Variants in RAD51B observed in about 807,000 individuals in gnomAD.
The protein encoded by RAD51B is RAD51 paralog B.
In RAD51B, 38 loss-of-function variants were observed where a neutral mutation model predicts 42.2. The observed-to-expected ratio is 0.90, with a 90% CI of 0.70 to 1.18. RAD51B has a LOEUF of 1.18. RAD51B is among the 50% of genes most tolerant of loss of function. The pLI is 0.00. For synonymous variants in RAD51B, 154 were observed against 145.2 expected (o/e 1.06, Z -0.43); for missense variants, 373 against 400.7 (o/e 0.93, Z 0.59).
At chr14:67,938,020 C>T (rs1285837851) in intron 7 of RAD51B, among the ~76,000 whole-genome samples, 1 of 151,914 alleles carries the variant, frequency 6.6e-6, no homozygotes, top group Non-Finnish European at 1.5e-5. Context: ...GATTCTTGAC[C>T]GAGGCTTTTC....
intron 8 of RAD51B, 53 bp from the exon 9 acceptor site, chr14:68,411,371 A>C: frequency 6.8e-7 from 1 of 1,467,658 alleles, no homozygotes; most frequent in Non-Finnish European, 9.5e-7. Context: ...TTCATGTGAA[A>C]TGCCATCTCA....
chr14:68,411,632 C>T, intron 9 of RAD51B, 105 bp downstream of exon 9: 1 of 1,032,052 alleles, frequency 9.7e-7, no homozygotes, highest in Non-Finnish European at 1.5e-6. Flanking sequence ...CTGTCCTGAG[C>T]CAGCAGCAGC....
At chr14:67,993,784 G>C (rs2075336914) in intron 7 of RAD51B, among the ~76,000 whole-genome samples, 1 of 152,048 alleles carries the variant, frequency 6.6e-6, no homozygotes, top group Non-Finnish European at 1.5e-5. Flanking sequence ...TCTCCATAGT[G>C]GTGGTAATAA....
chr14:68,594,419 C>T, intron 10 of RAD51B: 2 of 1,335,742 alleles, frequency 1.5e-6, no homozygotes, highest in African/African-American at 1.5e-5. Flanking sequence ...TTCAGGAAGC[C>T]TCAGGGCCTC....
chr14:68,049,404 C>G (rs2076357155), intron 7 of RAD51B, among the ~76,000 whole-genome samples: 1 of 152,098 alleles, frequency 6.6e-6, no homozygotes, highest in Non-Finnish European at 1.5e-5. Context: ...GTCCAGGAAT[C>G]AGTAACTTGG....
At chr14:68,144,264 G>A (rs1467206820) in intron 7 of RAD51B, among the ~76,000 whole-genome samples, 1 of 152,106 alleles carries the variant, frequency 6.6e-6, no homozygotes, top group Non-Finnish European at 1.5e-5. Flanking sequence ...TTCACCCCTG[G>A]CCTGTGTTGT....
chr14:67,943,895 T>C (rs1222751546), intron 7 of RAD51B, among the ~76,000 whole-genome samples: 1 of 151,042 alleles, frequency 6.6e-6, no homozygotes, highest in East Asian at 1.9e-4. Flanking sequence ...GGTGGAGATA[T>C]AGATATAGAT....
intron 11 of RAD51B, among the ~76,000 whole-genome samples, chr14:68,675,190 A>G (rs1893278607): frequency 6.6e-6 from 1 of 152,172 alleles, no homozygotes; most frequent in South Asian, 2.1e-4. Flanking sequence ...CTTTCTTGGG[A>G]TGATTATCTC....
chr14:67,835,134 A>T lies in RAD51B; in HGVS notation c.253A>T (p.Thr85Ser). 2 of 1,614,066 alleles carry T rather than the reference A, an allele frequency of 1.2e-6. No individual in the cohort carries two copies. The highest frequency in any genetic ancestry group is 1.7e-6 in the Non-Finnish European group (2 of 1,179,976). ...SADFSPAFLS[T>S]TLSALDEALH... is the part of the protein sequence containing the mutation. The stretch of plus-strand genomic sequence containing the variant: ...TGATTTCTCACCAGCATTCTTATCT[A>T]CTACCCTTTCTGCTTTGGACGAAGC... The change falls in exon 4 of 11, where the codon ACT becomes TCT. Residue 85 changes from threonine (T) to serine (S), a missense_variant. By Grantham distance (58) the Thr-to-Ser change is moderately conservative (BLOSUM62 1). Coordinates refer to ENST00000471583, the MANE Select transcript of RAD51B (RefSeq NM_133510.4).
intron 7 of RAD51B, among the ~76,000 whole-genome samples, chr14:68,208,672 CAG>C (rs2079642937): frequency 6.6e-6 from 1 of 152,304 alleles, no homozygotes; most frequent in African/African-American, 2.4e-5. Flanking sequence ...CACCAAGGCT[CAG>C]AGAGATAAAA....
At chr14:68,210,638 T>C (rs1258905139) in intron 7 of RAD51B, among the ~76,000 whole-genome samples, 1 of 152,102 alleles carries the variant, frequency 6.6e-6, no homozygotes, top group Non-Finnish European at 1.5e-5. Flanking sequence ...AACACTGAAC[T>C]TAAAATAGTT....
intron 10 of RAD51B, among the ~76,000 whole-genome samples, chr14:68,593,264 G>A (rs1890837765): frequency 6.6e-6 from 1 of 152,252 alleles, no homozygotes; most frequent in African/African-American, 2.4e-5. Flanking sequence ...TAGAAAACAG[G>A]AATCATAACT....
rs553499738 is a variant in RAD51B at position 67,822,733 on chromosome 14, C to T, written c.-2-809C>T. 3.3e-5 allele frequency among the ~76,000 whole-genome samples: 5 copies of T among 152,028 alleles called. No individual in the cohort carries two copies. The South Asian group carries it at 1.0e-3, about 32-fold the overall frequency. On this transcript the variant is annotated intron_variant, in intron 1 of 10. Coordinates refer to ENST00000471583, the MANE Select transcript of RAD51B (RefSeq NM_133510.4). The stretch of plus-strand genomic sequence containing the variant: ...GCCAGACCTGTCTCGCTCTCTCTCT[C>T]TCTCTCTATATATATATTTAAAAAG...
At chr14:68,181,791 T>C (rs1223402097) in intron 7 of RAD51B, among the ~76,000 whole-genome samples, 1 of 152,130 alleles carries the variant, frequency 6.6e-6, no homozygotes, top group Non-Finnish European at 1.5e-5. Flanking sequence ...GAGCACAATT[T>C]AAAATTCTCT....
In RAD51B at chr14:67,864,961, C is replaced by CTTTTTTTTTTTTT. The variant is rs745505141; in HGVS notation, c.316-15_316-3dup. On this transcript the variant is annotated intron_variant, in intron 4 of 10. Transcript: ENST00000471583. ...TGGCTTGTGATGTTTATCTAAAAAA[C>CTTTTTTTTTTTTT]TTTTTTTTTTTTTTTTTTTTTTTTT... 301 of 645,054 alleles carry CTTTTTTTTTTTTT rather than the reference C, an allele frequency of 4.7e-4. 149 individuals carry two copies. Among genetic ancestry groups the CTTTTTTTTTTTTT allele is most frequent in the African/African-American group, 3.5e-3 (92 of 26,444 alleles). 40.0% of individuals were successfully genotyped at this position (645,054 alleles called of 1,614,324 possible).
chr14:68,404,130 AT>A (rs1220753901), intron 8 of RAD51B, among the ~76,000 whole-genome samples: 5 of 152,236 alleles, frequency 3.3e-5, no homozygotes, highest in Non-Finnish European at 5.9e-5. Context: ...GCTCAATCCC[AT>A]AACAATGAAA....
intron 8 of RAD51B, among the ~76,000 whole-genome samples, chr14:68,311,246 TG>T (rs1375800303): frequency 2.0e-5 from 3 of 152,232 alleles, no homozygotes; most frequent in Non-Finnish European, 4.4e-5. Context: ...TATATGTATA[TG>T]CCTTTTTTCC....
intron 10 of RAD51B, among the ~76,000 whole-genome samples, chr14:68,503,229 T>G (rs1274466939): frequency 6.6e-6 from 1 of 152,096 alleles, no homozygotes; most frequent in East Asian, 1.9e-4. Context: ...TGGGGAGGCC[T>G]TGGAGGTATT....
At chr14:68,130,630 CTT>C (rs1035636236) in intron 7 of RAD51B, among the ~76,000 whole-genome samples, 1 of 152,198 alleles carries the variant, frequency 6.6e-6, no homozygotes, top group Admixed American at 6.5e-5. Flanking sequence ...AATCTCCTCT[CTT>C]TTTTTGTAGA....
Sources: allele counts gnomAD v4.1 joint callset (sites outside exome capture counted in the v4.1 genomes callset), GRCh38; gene constraint gnomAD v4.1.1; transcripts MANE v1.5; gene names NCBI Gene and HGNC (gene_info 2026-07-23, HGNC 2026-07-21).